Variants in ZSWIM5 observed in about 807,000 individuals in gnomAD.
The protein encoded by ZSWIM5 is zinc finger SWIM domain-containing protein 5.
A neutral mutation model predicts 119.6 loss-of-function variants in ZSWIM5; 55 were observed. That is an observed-to-expected ratio of 0.46 (90% confidence interval 0.37 to 0.58). ZSWIM5 has a LOEUF of 0.58. ZSWIM5 is among the 20% of genes least tolerant of loss of function. The pLI is 0.00. For synonymous variants in ZSWIM5, 537 were observed against 606.9 expected (o/e 0.88, Z 1.69); for missense variants, 1,193 against 1,512.8 (o/e 0.79, Z 3.51).
chr1:45,117,853 A>G (rs895028087), intron 1 of ZSWIM5, among the ~76,000 whole-genome samples: 3 of 152,218 alleles, frequency 2.0e-5, no homozygotes, highest in African/African-American at 7.2e-5. Context: ...ATGGCAAGTC[A>G]ATCTATATCA....
At chr1:45,133,012 A>C (rs1336076051) in intron 1 of ZSWIM5, among the ~76,000 whole-genome samples, 2 of 152,158 alleles carry the variant, frequency 1.3e-5, no homozygotes, top group African/African-American at 2.4e-5. Context: ...CCAGTCTATC[A>C]TTGATGGACA....
intron 1 of ZSWIM5, among the ~76,000 whole-genome samples, chr1:45,149,676 A>G (rs1431033495): frequency 6.6e-6 from 1 of 152,220 alleles, no homozygotes; most frequent in Non-Finnish European, 1.5e-5. Context: ...CAGGCTCATT[A>G]CCCATTGCAT....
intron 4 of ZSWIM5, among the ~76,000 whole-genome samples, chr1:45,056,941 C>G (rs1438776437): frequency 6.6e-6 from 1 of 152,204 alleles, no homozygotes; most frequent in Non-Finnish European, 1.5e-5. Context: ...AGCCATTTCT[C>G]TCTACATTTG....
At chr1:45,044,916 A>T (rs1158830684) in intron 5 of ZSWIM5, among the ~76,000 whole-genome samples, 2 of 133,116 alleles carry the variant, frequency 1.5e-5, no homozygotes, top group Non-Finnish European at 3.1e-5. Flanking sequence ...CAGGAGGATC[A>T]CTTGAGCCCA....
chr1:45,041,541 C>CTTTTT (rs10700834), intron 6 of ZSWIM5, among the ~76,000 whole-genome samples: 2 of 144,740 alleles, frequency 1.4e-5, no homozygotes, highest in South Asian at 2.1e-4. Context: ...TTTCTAGTAA[C>CTTTTT]TTTTTTTTTT....
In ZSWIM5 at chr1:45,043,405, G is replaced by T. The variant is rs1247799870; in HGVS notation, c.1433-10C>A. ...GGTCTGGATAAGGAGTCTGGAGAAA[G>T]AAGAACATGCAGCAGTACAGTGACA... On this transcript the variant is annotated splice_polypyrimidine_tract_variant and intron_variant, in intron 5 of 13. Transcript: ENST00000359600. 1 of 1,613,836 alleles carries T rather than the reference G, an allele frequency of 6.2e-7. No individual in the cohort carries two copies. The highest frequency in any genetic ancestry group is 8.5e-7 in the Non-Finnish European group (1 of 1,179,848).
chr1:45,164,912 C>A, intron 1 of ZSWIM5, among the ~76,000 whole-genome samples: 1 of 152,096 alleles, frequency 6.6e-6, no homozygotes, highest in East Asian at 1.9e-4. Context: ...ATCAACGAGA[C>A]AGAAAGTTAA....
At position 45,075,273 on chromosome 1, in the gene ZSWIM5, G is replaced by C. The variant is rs1346646395; in HGVS notation, c.952+12608C>G. On this transcript the variant is annotated intron_variant, in intron 2 of 13. Coordinates refer to ENST00000359600, the MANE Select transcript of ZSWIM5 (RefSeq NM_020883.2). ...TCCAATGTTTCTTTGTTGATTTTCTGTCTGGAAGATGTGTCCGATGCTGAT... is the reference window on the plus strand; with the variant it reads ...TCCAATGTTTCTTTGTTGATTTTCTCTCTGGAAGATGTGTCCGATGCTGAT... 2.6e-5 allele frequency among the ~76,000 whole-genome samples: 4 copies of C among 151,494 alleles called. No homozygotes were observed. The East Asian group carries it at 7.7e-4, about 29-fold the overall frequency.
rs370844394 is a variant in ZSWIM5, at chr1:45,031,769, G to A, written c.2449+2543C>T. On this transcript the variant is annotated intron_variant, in intron 11 of 13. Coordinates refer to ENST00000359600, the MANE Select transcript of ZSWIM5 (RefSeq NM_020883.2). ...GCAGGAGAATGGCATGAACCTAGGG[G>A]GTGGAGCTTGCAGTGAGCGGAGATC... 7.9e-5 allele frequency among the ~76,000 whole-genome samples: 12 copies of A among 151,540 alleles called. No homozygotes were observed. In the East Asian group the frequency reaches 9.7e-4, roughly 12 times the overall value.
At position 45,137,920 on chromosome 1, in the gene ZSWIM5, A is replaced by G. The variant is rs112023646; in HGVS notation, c.596-49683T>C. The stretch of plus-strand genomic sequence containing the variant: ...CTATACTGAGGCAAGGGTAGGAACA[A>G]GGAGGCCAGTTACATGGCTACTGTA... On this transcript the variant is annotated intron_variant, in intron 1 of 13. Transcript: ENST00000359600. 9.9e-3 allele frequency among the ~76,000 whole-genome samples: 1,514 copies of G among 152,302 alleles called. 30 individuals carry two copies. Among genetic ancestry groups the G allele is most frequent in the African/African-American group, 0.035 (1,452 of 41,558 alleles).
rs139940480 is a variant in ZSWIM5 at position 45,099,424 on chromosome 1, A to C, written c.596-11187T>G. Among the ~76,000 whole-genome samples, 683 of 152,294 alleles carry C rather than the reference A, an allele frequency of 4.5e-3. 8 individuals carry two copies. The highest frequency in any genetic ancestry group is 0.015 in the African/African-American group (644 of 41,554). Reference sequence around the variant, plus strand: ...AATAATTAATATCCTACCAACCAAAAAAAGTCCAGGACCAGATGGATTCAC... The same window carrying C: ...AATAATTAATATCCTACCAACCAAACAAAGTCCAGGACCAGATGGATTCAC... On this transcript the variant is annotated intron_variant, in intron 1 of 13. Transcript: ENST00000359600.
Position 45,018,670 on chromosome 1 carries a change from G to A in ZSWIM5, c.3342C>T (p.Ala1114=). The change falls in exon 14 of 14, where the codon GCC becomes GCT. Residue 1114 remains alanine (A), a synonymous_variant. Transcript: ENST00000359600. The surrounding 1 kb of genome is among the most constrained non-coding windows in gnomAD (Gnocchi z 6.7). ...TAGTGTTGATATAGGCATTGATGGTGGCATCCAGCAACTGGCGCAATGGAG... is the reference window on the plus strand; with the variant it reads ...TAGTGTTGATATAGGCATTGATGGTAGCATCCAGCAACTGGCGCAATGGAG... ...DKAPLRQLLD[A]TINAYINTTH... 2 of 1,614,228 alleles carry A rather than the reference G, an allele frequency of 1.2e-6. No individual in the cohort carries two copies. The highest frequency in any genetic ancestry group is 2.2e-5 in the South Asian group (2 of 91,084).
intron 1 of ZSWIM5, among the ~76,000 whole-genome samples, chr1:45,129,145 T>TA (rs1645638929): frequency 6.8e-6 from 1 of 147,122 alleles, no homozygotes; most frequent in Admixed American, 6.8e-5. Context: ...TTTCCTCACA[T>TA]ACATCTTGTT....
intron 2 of ZSWIM5, among the ~76,000 whole-genome samples, chr1:45,068,468 T>C (rs1025128127): frequency 1.4e-5 from 2 of 148,076 alleles, no homozygotes; most frequent in African/African-American, 5.0e-5. Flanking sequence ...TGCACTCCAG[T>C]CTGGGCAACG....
chr1:45,093,244 A>T (rs1285628130), intron 1 of ZSWIM5, among the ~76,000 whole-genome samples: 1 of 152,242 alleles, frequency 6.6e-6, no homozygotes, highest in Admixed American at 6.5e-5. Context: ...AACTAGAAAT[A>T]TTATTAGAAA....
At position 45,019,457 on chromosome 1, in the gene ZSWIM5, A is replaced by G; in HGVS notation, c.2696-141T>C. On this transcript the variant is annotated intron_variant, in intron 13 of 13. Transcript: ENST00000359600. This position sits in a 1 kb window ranked among gnomAD's most constrained non-coding sequence, Gnocchi z 5.0. ...ACCTTGAGATGATATGAGGCAAACC[A>G]GGGCAAGGGGAGCATCCCAGATGGC... 4.3e-6 allele frequency: 5 copies of G among 1,159,444 alleles called. No individual in the cohort carries two copies. In the Admixed American group the frequency reaches 1.4e-4, roughly 32 times the overall value. The allele number at this position is 1,159,444 out of a possible 1,614,324, so 71.8% of individuals were successfully genotyped here.
intron 1 of ZSWIM5, among the ~76,000 whole-genome samples, chr1:45,140,160 G>A (rs554945543): frequency 2.9e-4 from 44 of 152,218 alleles, no homozygotes; most frequent in Admixed American, 2.3e-3. Context: ...GAAAGTAGAC[G>A]GTGCTAAAGG....
At chr1:45,124,621 A>T (rs1645609906) in intron 1 of ZSWIM5, among the ~76,000 whole-genome samples, 1 of 152,200 alleles carries the variant, frequency 6.6e-6, no homozygotes, top group Admixed American at 6.5e-5. Flanking sequence ...CAAAACATAC[A>T]TTAAATGAAA....
At chr1:45,192,560 G>A (rs1646098949) in intron 1 of ZSWIM5, among the ~76,000 whole-genome samples, 1 of 152,146 alleles carries the variant, frequency 6.6e-6, no homozygotes, top group Admixed American at 6.5e-5. Flanking sequence ...TTCATCTGTC[G>A]ATGGACACTT....
Sources: allele counts gnomAD v4.1 joint callset (sites outside exome capture counted in the v4.1 genomes callset), GRCh38; gene constraint gnomAD v4.1.1; non-coding constraint Gnocchi (gnomAD v3.1); transcripts MANE v1.5; gene names NCBI Gene and HGNC (gene_info 2026-07-23, HGNC 2026-07-21).